The following MMS19 variants were observed in gnomAD, a reference collection of about 807,000 sequenced individuals.
MMS19 encodes the protein MMS19 nucleotide excision repair protein homolog.
In MMS19, 77 loss-of-function variants were observed where a neutral mutation model predicts 129.8. That is an observed-to-expected ratio of 0.59 (90% CI 0.49 to 0.72). The LOEUF is 0.72. MMS19 is among the 30% of genes least tolerant of loss of function. MMS19 has a pLI of 0.00. For synonymous variants in MMS19, 491 were observed against 502.8 expected, an observed-to-expected ratio of 0.98 and a Z score of 0.31; for missense variants, 1,168 against 1,266.3, an observed-to-expected ratio of 0.92 and a Z score of 1.18.
chr10:97,468,934 A>T (rs912441646), intron 12 of MMS19, 32 bp downstream of exon 12: 1 of 1,568,526 alleles, frequency 6.4e-7, no homozygotes, highest in Non-Finnish European at 8.6e-7. Context: ...TATTGTGCTC[A>T]CTCCCCTTCC....
chr10:97,471,176 CATATA>C (rs1453956542), intron 8 of MMS19, among the ~76,000 whole-genome samples: 3 of 152,072 alleles, frequency 2.0e-5, no homozygotes, highest in Non-Finnish European at 4.4e-5. Context: ...ATACTGTTTC[CATATA>C]AAATATATAT....
chr10:97,487,042 G>C (rs1034325887), intron 1 of MMS19, among the ~76,000 whole-genome samples: 2 of 151,086 alleles, frequency 1.3e-5, no homozygotes, highest in Non-Finnish European at 2.9e-5. Flanking sequence ...ATACACTTTT[G>C]AATATACTTG....
intron 26 of MMS19, 39 bp from the exon 27 acceptor site, chr10:97,459,780 T>TA: frequency 1.4e-6 from 2 of 1,467,840 alleles, no homozygotes; most frequent in Non-Finnish European, 1.9e-6. Context: ...AAATTGGACT[T>TA]AGATATATAG....
At chr10:97,468,146 C>A in intron 13 of MMS19, 106 bp downstream of exon 13, 1 of 1,174,846 alleles carries the variant, frequency 8.5e-7, no homozygotes, top group East Asian at 2.7e-5. Context: ...GGGAGCAAAA[C>A]CCAAGGTCTA....
intron 1 of MMS19, among the ~76,000 whole-genome samples, chr10:97,486,896 A>ATATATATAT (rs2037998828): frequency 1.8e-5 from 1 of 54,574 alleles, no homozygotes; most frequent in Non-Finnish European, 4.9e-5. Flanking sequence ...TATATATATA[A>ATATATATAT]AATTAAGACA....
At chr10:97,463,777 C>T in intron 19 of MMS19, 81 bp downstream of exon 19, 1 of 1,235,792 alleles carries the variant, frequency 8.1e-7, no homozygotes, top group Non-Finnish European at 1.1e-6. Flanking sequence ...TACAGTACCA[C>T]CAATACCCAG....
chr10:97,458,755 G>A (rs1282463608), intron 30 of MMS19, 36 bp from the exon 31 acceptor site: 2 of 1,613,154 alleles, frequency 1.2e-6, no homozygotes, highest in East Asian at 2.2e-5. Context: ...CATTAGTGAT[G>A]AGGCTCATCT....
chr10:97,480,732 C>T (rs2036641006), intron 3 of MMS19, among the ~76,000 whole-genome samples: 1 of 152,142 alleles, frequency 6.6e-6, no homozygotes, highest in African/African-American at 2.4e-5. Flanking sequence ...CAACACCATG[C>T]CCAGCTAACG....
intron 1 of MMS19, among the ~76,000 whole-genome samples, chr10:97,496,528 AAAG>A (rs1347054214): frequency 1.3e-5 from 2 of 151,908 alleles, no homozygotes; most frequent in African/African-American, 2.4e-5. Context: ...AAAAAAAAAA[AAAG>A]AGAAGAATTT....
chr10:97,472,261 T>C lies in MMS19; in HGVS notation c.685-1400A>G, dbSNP rs1351948038. On this transcript the variant is annotated intron_variant, in intron 8 of 30. Coordinates refer to ENST00000438925, the MANE Select transcript of MMS19 (RefSeq NM_022362.5). ...ACTAGGCTTATTTATTTATTTGAGA[T>C]GGAGTTTTGCTCTTGTTACACAAGC... Among the ~76,000 whole-genome samples, 3 of 152,222 alleles carry C rather than the reference T, an allele frequency of 2.0e-5. No homozygotes were observed. The East Asian group carries it at 5.8e-4, about 29-fold the overall frequency.
In MMS19 at chr10:97,498,332, C is replaced by G. The variant is rs1365719045; in HGVS notation, c.53G>C (p.Gly18Ala). ...ACCCACGACGAAGTCGTGCACGAGG[C>G]CCCATAGGGCACCCATAGGCGCCGC... ...EAAAPMGALW[G>A]LVHDFVVGQQ... The change falls in exon 1 of 31, where the codon GGC (glycine) becomes GCC (alanine). Residue 18 changes from glycine (G) to alanine (A), a missense_variant. Gly to Ala is a moderately conservative substitution (Grantham distance 60). Coordinates refer to ENST00000438925, the MANE Select transcript of MMS19 (RefSeq NM_022362.5). 3 of 1,574,668 alleles carry G rather than the reference C, an allele frequency of 1.9e-6. No homozygotes were observed.
At chr10:97,474,009 TG>T (rs2035276055) in intron 8 of MMS19, among the ~76,000 whole-genome samples, 1 of 151,116 alleles carries the variant, frequency 6.6e-6, no homozygotes, top group Admixed American at 6.6e-5. Context: ...TCGGGAGTAG[TG>T]TCATGTGCCT....
chr10:97,491,260 CA>C (rs1026520872), intron 1 of MMS19, among the ~76,000 whole-genome samples: 1 of 152,242 alleles, frequency 6.6e-6, no homozygotes, highest in Non-Finnish European at 1.5e-5. Flanking sequence ...GCAATACCAT[CA>C]AAACCCTCTG....
At chr10:97,470,262 G>A in intron 9 of MMS19, 59 bp from the exon 10 acceptor site, 1 of 1,190,166 alleles carries the variant, frequency 8.4e-7, no homozygotes, top group Non-Finnish European at 1.2e-6. Flanking sequence ...TCACATCAAG[G>A]TCAACCCTGT....
At chr10:97,480,360 TAAAACCAAA>T in intron 3 of MMS19, 1 of 447,638 alleles carries the variant, frequency 2.2e-6, no homozygotes, top group East Asian at 7.0e-5. Context: ...CTCTGCTCCT[TAAAACCAAA>T]AAAACAAAAA....
At chr10:97,478,134 C>T (rs993286241) in intron 4 of MMS19, among the ~76,000 whole-genome samples, 170 bp downstream of exon 4, 7 of 152,332 alleles carry the variant, frequency 4.6e-5, no homozygotes, top group Non-Finnish European at 1.0e-4. Flanking sequence ...CCCCAAAGTA[C>T]ACTTTTACTC....
intron 8 of MMS19, among the ~76,000 whole-genome samples, chr10:97,475,206 G>A (rs2035511565): frequency 8.2e-6 from 1 of 121,250 alleles, no homozygotes; most frequent in African/African-American, 3.0e-5. Context: ...GCAAAGTACA[G>A]GAGAAGTGTG....
At chr10:97,461,323 CCAA>C in intron 23 of MMS19, 170 bp downstream of exon 23, 3 of 737,428 alleles carry the variant, frequency 4.1e-6, no homozygotes. Context: ...AAAGCTCTGC[CCAA>C]CTGTGGTCTT....
At chr10:97,477,079 C>T (rs747782395) in intron 6 of MMS19, 116 bp from the exon 7 acceptor site, 6 of 1,539,872 alleles carry the variant, frequency 3.9e-6, no homozygotes, top group Non-Finnish European at 5.2e-6. Flanking sequence ...TCAGGGCTGA[C>T]CCTTTTTCCA....
Sources: allele counts gnomAD v4.1 joint callset (sites outside exome capture counted in the v4.1 genomes callset), GRCh38; gene constraint gnomAD v4.1.1; transcripts MANE v1.5; gene names NCBI Gene and HGNC (gene_info 2026-07-23, HGNC 2026-07-21).